Variants in ACOT12 observed in about 807,000 individuals in gnomAD.
ACOT12 encodes the protein acyl-CoA thioesterase 12.
In ACOT12, 51 loss-of-function variants were observed where a neutral mutation model predicts 67.7. That is an observed-to-expected ratio of 0.75 (90% CI 0.60 to 0.95). The LOEUF is 0.95. Ranked by LOEUF, ACOT12 falls within the 40% of genes least tolerant of loss-of-function variation. The probability of loss-of-function intolerance (pLI) is 0.00; values close to 1 mark genes in which losing one functional copy is unlikely to be tolerated. For missense variants in ACOT12, 734 were observed against 708.1 expected, an observed-to-expected ratio of 1.04 and a Z score of -0.41; for synonymous variants, 251 against 244.6, an observed-to-expected ratio of 1.03 and a Z score of -0.24.
the ACOT12 span, among the ~76,000 whole-genome samples, chr5:81,315,454 CCT>C: frequency 6.6e-6 from 1 of 152,160 alleles, no homozygotes; most frequent in South Asian, 2.1e-4. Flanking sequence ...CTATTTGTTC[CCT>C]CTCTACCAGA....
chr5:81,326,417 C>A (rs1010075301), downstream of ACOT12, among the ~76,000 whole-genome samples: 11 of 152,222 alleles, frequency 7.2e-5, no homozygotes, highest in Admixed American at 5.2e-4. Flanking sequence ...AGCCACCACG[C>A]CTGGCCAAGA....
the ACOT12 span, chr5:81,309,111 AC>A: frequency 3.6e-6 from 4 of 1,124,628 alleles, no homozygotes; most frequent in South Asian, 6.5e-5. Flanking sequence ...ACACTCAATC[AC>A]AGTTCTTGAA....
chr5:81,369,493 G>GA (rs1344576229), intron 3 of ACOT12, among the ~76,000 whole-genome samples: 21 of 152,068 alleles, frequency 1.4e-4, no homozygotes, highest in Admixed American at 5.2e-4. Context: ...TATATTTAAG[G>GA]AAAAAAATCC....
At position 81,344,186 on chromosome 5, in the gene ACOT12, A is replaced by G. The variant is rs1426779121; in HGVS notation, c.954T>C (p.Ile318=). The change falls in exon 9 of 15, where the codon ATT becomes ATC. Residue 318 remains isoleucine, a synonymous_variant. Coordinates refer to ENST00000307624, the MANE Select transcript of ACOT12 (RefSeq NM_130767.3). ...KDDFRRYRGA[I]ARKRIRLGRK... ...TGCCTAGGCGAATTCGCTTGCGTGC[A>G]ATAGCTCCCCGATAGCGTCTGAAAT... The G allele has an allele frequency of 1.9e-6, 3 of 1,613,850 alleles. No homozygotes were observed. Among genetic ancestry groups the G allele is most frequent in the South Asian group, 2.2e-5 (2 of 90,976 alleles).
rs1270274053 is a variant in ACOT12, at chr5:81,344,167, G to A, written c.973C>T (p.Leu325=). The A allele has an allele frequency of 1.2e-6, 2 of 1,613,592 alleles. No individual in the cohort carries two copies. The highest frequency in any genetic ancestry group is 1.3e-5 in the African/African-American group (1 of 74,892). ...RGAIARKRIR[L]GRKYVISHKE... ...ACACCTTATGTTCCTTACCTGCCTA[G>A]GCGAATTCGCTTGCGTGCAATAGCT... Residue 325 remains leucine (L), a synonymous_variant, in exon 9 of 15, where the codon CTA becomes TTA. Transcript: ENST00000307624.
At chr5:81,324,089 G>C in the ACOT12 span, among the ~76,000 whole-genome samples, 9 of 151,904 alleles carry the variant, frequency 5.9e-5, no homozygotes, top group African/African-American at 1.9e-4. Context: ...TTACAGGCAT[G>C]TGCCACCATG....
rs1023772281 is a variant in ACOT12, at chr5:81,352,599, A to T, written c.497-4669T>A. ...GAGATAGCAGAAGCATGCTTATGAG[A>T]GGCTGGGAAGGGTAGTGGGAGGGTG... is the stretch of plus-strand genomic sequence containing the variant. On this transcript the variant is annotated intron_variant, in intron 5 of 14. Transcript: ENST00000307624. Among the ~76,000 whole-genome samples the T allele has an allele frequency of 1.1e-4, 17 of 151,890 alleles. No individual in the cohort carries two copies. In the South Asian group the frequency reaches 3.5e-3, roughly 32 times the overall value.
At chr5:81,309,963 A>G in the ACOT12 span, among the ~76,000 whole-genome samples, 1 of 152,098 alleles carries the variant, frequency 6.6e-6, no homozygotes, top group Non-Finnish European at 1.5e-5. Flanking sequence ...TTGATGAATT[A>G]TGGTATTTGC....
At chr5:81,371,607 G>T in intron 3 of ACOT12, 143 bp downstream of exon 3, 2 of 774,626 alleles carry the variant, frequency 2.6e-6, no homozygotes, top group Non-Finnish European at 4.2e-6. Flanking sequence ...TTATTTACCT[G>T]TGACCTGACT....
chr5:81,370,069 T>A (rs754807489), intron 3 of ACOT12, among the ~76,000 whole-genome samples: 11 of 152,064 alleles, frequency 7.2e-5, no homozygotes, highest in Non-Finnish European at 7.4e-5. Context: ...GATCATGAGG[T>A]CAGAAGATTG....
intron 13 of ACOT12, among the ~76,000 whole-genome samples, chr5:81,331,332 G>T (rs2153841800): frequency 6.6e-6 from 1 of 152,328 alleles, no homozygotes; most frequent in South Asian, 2.1e-4. Context: ...GAGGTCAGGA[G>T]TTCGAGGCTA....
At chr5:81,370,631 A>C (rs1760219940) in intron 3 of ACOT12, among the ~76,000 whole-genome samples, 1 of 152,214 alleles carries the variant, frequency 6.6e-6, no homozygotes, top group Non-Finnish European at 1.5e-5. Flanking sequence ...ACAGAGAGCC[A>C]TGGGAGGGTA....
At position 81,330,343 on chromosome 5, in the gene ACOT12, G is replaced by A; in HGVS notation, c.*51C>T. On this transcript the variant is annotated 3_prime_UTR_variant, in exon 15 of 15. Transcript: ENST00000307624. The stretch of plus-strand genomic sequence containing the variant: ...CTTGACAGATGTCAGGGCTAAGGGT[G>A]CTTGGAATTAAAAGTGGGAAATTAA... 1 of 1,583,688 alleles carries A rather than the reference G, an allele frequency of 6.3e-7. No individual in the cohort carries two copies. Among genetic ancestry groups the A allele is most frequent in the Non-Finnish European group, 8.6e-7 (1 of 1,160,652 alleles).
chr5:81,381,068 C>CT (rs754165884), intron 2 of ACOT12, among the ~76,000 whole-genome samples: 96 of 142,294 alleles, frequency 6.7e-4, no homozygotes, highest in South Asian at 2.5e-3. Context: ...GTATTAAAAC[C>CT]TTTTTTTTTT....
At chr5:81,318,297 A>G in the ACOT12 span, among the ~76,000 whole-genome samples, 1 of 152,082 alleles carries the variant, frequency 6.6e-6, no homozygotes, top group African/African-American at 2.4e-5. Context: ...ATTTTAGAGT[A>G]TTCTTTCTTC....
intron 6 of ACOT12, among the ~76,000 whole-genome samples, chr5:81,347,355 C>T (rs937569269): frequency 6.6e-6 from 1 of 152,148 alleles, no homozygotes; most frequent in Non-Finnish European, 1.5e-5. Flanking sequence ...AAGCAATCTT[C>T]CTGTCTCGGC....
At chr5:81,355,174 A>G (rs1190137137) in intron 5 of ACOT12, among the ~76,000 whole-genome samples, 1 of 152,208 alleles carries the variant, frequency 6.6e-6, no homozygotes, top group Admixed American at 6.5e-5. Flanking sequence ...GGGACCTCTC[A>G]AACAATAATA....
intron 12 of ACOT12, among the ~76,000 whole-genome samples, chr5:81,334,426 G>A (rs962975613): frequency 3.3e-5 from 5 of 152,210 alleles, no homozygotes; most frequent in Non-Finnish European, 7.4e-5. Flanking sequence ...CGACTTAAGC[G>A]ACTTAAGCGT....
At chr5:81,373,172 A>T (rs925789645) in intron 2 of ACOT12, among the ~76,000 whole-genome samples, 3 of 152,166 alleles carry the variant, frequency 2.0e-5, no homozygotes, top group Non-Finnish European at 4.4e-5. Context: ...TACCCAGTTC[A>T]TCTCATTGAG....
Sources: allele counts gnomAD v4.1 joint callset (sites outside exome capture counted in the v4.1 genomes callset), GRCh38; gene constraint gnomAD v4.1.1; transcripts MANE v1.5; gene names NCBI Gene and HGNC (gene_info 2026-07-23, HGNC 2026-07-21).